Variants in RERE observed in about 807,000 individuals in gnomAD.
RERE encodes the protein arginine-glutamic acid dipeptide repeats protein.
RERE carries 40 observed loss-of-function variants against 146.1 expected under a neutral mutation model. The ratio of observed to expected loss-of-function variants is 0.27; its 90% CI spans 0.21 to 0.36. RERE has a LOEUF of 0.36. Ranked by LOEUF, RERE falls within the 10% of genes least tolerant of loss-of-function variation. The pLI, the probability that RERE is intolerant of heterozygous loss-of-function variation, is 1.00. For missense variants in RERE, 1,933 were observed against 2,138.7 expected (o/e 0.90, Z 1.90); for synonymous variants, 1,003 against 866.0 (o/e 1.16, Z -2.78).
intron 6 of RERE, among the ~76,000 whole-genome samples, chr1:8,554,833 A>AGCTAACAATATTCCAGGATTAAGTCACCG (rs1645985540): frequency 6.6e-6 from 1 of 150,548 alleles, no homozygotes. Flanking sequence ...TTAAGTCACC[A>AGCTAACAATATTCCAGGATTAAGTCACCG]GTCCCAGCTA....
chr1:8,601,736 AACACACACACACACAC>A (rs3082091), intron 4 of RERE, among the ~76,000 whole-genome samples: 53 of 140,902 alleles, frequency 3.8e-4, no homozygotes, highest in African/African-American at 7.4e-4. Context: ...GTCCAAGGTC[AACACACACACACACAC>A]ACACACACAC....
chr1:8,366,208 C>A (rs1473579060), intron 12 of RERE, among the ~76,000 whole-genome samples: 3 of 152,238 alleles, frequency 2.0e-5, no homozygotes, highest in African/African-American at 4.8e-5. Context: ...AGCTTGACTT[C>A]CAGACACCAA....
At chr1:8,601,017 CTTTT>C (rs34455445) in intron 4 of RERE, among the ~76,000 whole-genome samples, 152 of 95,066 alleles carry the variant, frequency 1.6e-3, no homozygotes, top group African/African-American at 4.5e-3. Context: ...GTCTCCCAAA[CTTTT>C]TTTTTTTTTT....
chr1:8,565,020 C>CA (rs1471296085), intron 4 of RERE, among the ~76,000 whole-genome samples: 1 of 152,074 alleles, frequency 6.6e-6, no homozygotes, highest in Non-Finnish European at 1.5e-5. Context: ...CATGTGGACT[C>CA]AAACAACCCA....
intron 12 of RERE, among the ~76,000 whole-genome samples, chr1:8,413,561 C>T (rs1009449713): frequency 6.6e-6 from 1 of 152,006 alleles, no homozygotes; most frequent in Non-Finnish European, 1.5e-5. Context: ...CTAGGCTAGA[C>T]TTGAACTCCT....
chr1:8,656,136 A>G lies in RERE; in HGVS notation c.162T>C (p.Asp54=). The G allele has an allele frequency of 6.2e-7, 1 of 1,613,768 alleles. No homozygotes were observed. The highest frequency in any genetic ancestry group is 8.5e-7 in the Non-Finnish European group (1 of 1,179,894). The part of the protein sequence containing the change: ...EGGAKNYAES[D]HSEDEDNDNN... The stretch of plus-strand genomic sequence containing the variant: ...TGTCATTGTCCTCGTCTTCACTGTG[A>G]TCACTCTCAGCATAATTTTTGGCTC... The change falls in exon 2 of 23, where the codon GAT becomes GAC. Residue 54 remains aspartate, a synonymous_variant. Transcript: ENST00000400908.
rs535270245 is a variant in RERE, at chr1:8,716,187, G to A, written c.-144-59746C>T. On this transcript the variant is annotated intron_variant, in intron 1 of 22. Coordinates refer to ENST00000400908, the MANE Select transcript of RERE (RefSeq NM_001042681.2). ...CAAAAAGAAAAGATAAAGAAGCCAG[G>A]CATGGTGGCTCATGCCTATAATTCT... Among the ~76,000 whole-genome samples, 3 of 151,332 alleles carry A rather than the reference G, an allele frequency of 2.0e-5. No homozygotes were observed. The South Asian group carries it at 6.3e-4, about 32-fold the overall frequency.
intron 1 of RERE, among the ~76,000 whole-genome samples, chr1:8,728,159 A>T (rs1300409234): frequency 6.6e-6 from 1 of 152,240 alleles, no homozygotes; most frequent in Admixed American, 6.5e-5. Flanking sequence ...AAGCCATGAC[A>T]ACCAAGACCT....
chr1:8,726,994 C>T (rs945757804), intron 1 of RERE, among the ~76,000 whole-genome samples: 1 of 151,858 alleles, frequency 6.6e-6, no homozygotes, highest in Non-Finnish European at 1.5e-5. Flanking sequence ...TTAGTAGAGA[C>T]GGGTTTTCAC....
At chr1:8,468,022 A>C (rs1303235651) in intron 10 of RERE, among the ~76,000 whole-genome samples, 1 of 152,238 alleles carries the variant, frequency 6.6e-6, no homozygotes, top group Non-Finnish European at 1.5e-5. Context: ...CTCACAGTTT[A>C]GAGGGCACTA....
chr1:8,422,828 T>C, intron 11 of RERE, 21 bp from the exon 12 acceptor site: 1 of 1,596,178 alleles, frequency 6.3e-7, no homozygotes, highest in Non-Finnish European at 8.6e-7. Flanking sequence ...AAGAAACAAA[T>C]GGGATGTAAA....
chr1:8,640,277 T>G (rs547413280), intron 2 of RERE, among the ~76,000 whole-genome samples: 2 of 152,284 alleles, frequency 1.3e-5, no homozygotes, highest in East Asian at 3.9e-4. Context: ...CTCCCAACTT[T>G]TTTTTTTAAA....
intron 1 of RERE, among the ~76,000 whole-genome samples, chr1:8,694,711 A>G (rs1489770613): frequency 1.3e-5 from 2 of 151,974 alleles, no homozygotes; most frequent in African/African-American, 2.4e-5. Context: ...ATGAGCCAAG[A>G]TCATACCTCT....
intron 1 of RERE, among the ~76,000 whole-genome samples, chr1:8,665,990 C>T (rs1638562601): frequency 6.6e-6 from 1 of 152,114 alleles, no homozygotes. Context: ...AGCAAGTTGA[C>T]CAAACTCACA....
At chr1:8,598,475 C>T (rs998408946) in intron 4 of RERE, among the ~76,000 whole-genome samples, 2 of 152,176 alleles carry the variant, frequency 1.3e-5, no homozygotes, top group African/African-American at 4.8e-5. Flanking sequence ...CGGTTCTCTC[C>T]AATGACTCTC....
chr1:8,397,384 C>T (rs568068381), intron 12 of RERE, among the ~76,000 whole-genome samples: 35 of 152,206 alleles, frequency 2.3e-4, no homozygotes, highest in Admixed American at 7.8e-4. Flanking sequence ...CTATTTGTGC[C>T]CCCATTTCAT....
intron 12 of RERE, among the ~76,000 whole-genome samples, chr1:8,398,036 A>G (rs1643114314): frequency 6.6e-6 from 1 of 151,378 alleles, no homozygotes; most frequent in Admixed American, 6.6e-5. Context: ...AGAGCCAGAG[A>G]AAGGCCCTAA....
chr1:8,669,184 C>CA (rs1413035012), intron 1 of RERE, among the ~76,000 whole-genome samples: 2 of 151,342 alleles, frequency 1.3e-5, no homozygotes, highest in African/African-American at 4.9e-5. Context: ...GCAATACCCC[C>CA]CCCAACTCGG....
intron 2 of RERE, among the ~76,000 whole-genome samples, chr1:8,633,522 C>G (rs563967928): frequency 2.2e-4 from 33 of 152,296 alleles, no homozygotes; most frequent in Admixed American, 9.2e-4. Context: ...ACAACAATCC[C>G]GTGAGTGATT....
Sources: allele counts gnomAD v4.1 joint callset (sites outside exome capture counted in the v4.1 genomes callset), GRCh38; gene constraint gnomAD v4.1.1; transcripts MANE v1.5; gene names NCBI Gene and HGNC (gene_info 2026-07-23, HGNC 2026-07-21).